SLFN12L: variants seen among roughly 807,000 people sequenced by gnomAD.
The protein encoded by SLFN12L is schlafen family member 12 like.
A neutral mutation model predicts 34.8 loss-of-function variants in SLFN12L; 34 were observed. The ratio of observed to expected loss-of-function variants is 0.98; its 90% CI spans 0.74 to 1.30. The LOEUF is 1.30. Ranked by LOEUF, SLFN12L falls within the 50% of genes most tolerant of loss-of-function variation. SLFN12L has a pLI of 0.00. For synonymous variants in SLFN12L, 259 were observed against 247.5 expected, an observed-to-expected ratio of 1.05 and a Z score of -0.44; for missense variants, 703 against 696.2, an observed-to-expected ratio of 1.01 and a Z score of -0.11.
chr17:35,498,557 T>C (rs1915180896), intron 2 of SLFN12L: 1 of 1,446,894 alleles, frequency 6.9e-7, no homozygotes, highest in Admixed American at 1.7e-5. Flanking sequence ...GTCCAAAAAG[T>C]ACAGTGGAAA....
intron 1 of SLFN12L, among the ~76,000 whole-genome samples, chr17:35,523,472 T>C (rs894765064): frequency 1.3e-5 from 2 of 152,214 alleles, no homozygotes; most frequent in African/African-American, 4.8e-5. Flanking sequence ...CAGTTAATTT[T>C]CTTCAGTCCT....
intron 2 of SLFN12L, chr17:35,500,529 A>T (rs978775247): frequency 6.6e-6 from 1 of 152,374 alleles, no homozygotes; most frequent in African/African-American, 2.4e-5. Context: ...GGAGATCTAG[A>T]CCATCCTGGT....
chr17:35,513,366 C>T (rs922659446), intron 2 of SLFN12L, among the ~76,000 whole-genome samples: 1 of 147,868 alleles, frequency 6.8e-6, no homozygotes, highest in Admixed American at 6.6e-5. Context: ...TTCCACTATA[C>T]CATAAAAAAA....
Position 35,468,184 on chromosome 17 carries a change from T to C in SLFN12L, c.*6739A>G, listed in dbSNP as rs918963758. Reference sequence around the variant, plus strand: ...CTTTGGCCTCTCAAAGTGCTGGGATTACAGGCATGAGCTGCCATGCTCAGC... The same window carrying C: ...CTTTGGCCTCTCAAAGTGCTGGGATCACAGGCATGAGCTGCCATGCTCAGC... On this transcript the variant is annotated 3_prime_UTR_variant, in exon 5 of 5. Transcript: ENST00000628453. 1.3e-5 allele frequency among the ~76,000 whole-genome samples: 2 copies of C among 152,202 alleles called. No homozygotes were observed. The highest frequency in any genetic ancestry group is 2.4e-5 in the African/African-American group (1 of 41,460).
chr17:35,476,870 C>T (rs980961961), intron 4 of SLFN12L, among the ~76,000 whole-genome samples: 8 of 149,694 alleles, frequency 5.3e-5, no homozygotes, highest in African/African-American at 1.7e-4. Context: ...TAATACTATA[C>T]AAAATTAAGA....
At chr17:35,513,021 T>C (rs901153895) in intron 2 of SLFN12L, among the ~76,000 whole-genome samples, 1 of 152,108 alleles carries the variant, frequency 6.6e-6, no homozygotes, top group Non-Finnish European at 1.5e-5. Flanking sequence ...TCTATCTATA[T>C]CTGGGCTAGT....
intron 2 of SLFN12L, among the ~76,000 whole-genome samples, chr17:35,484,539 G>T (rs533092497): frequency 6.6e-6 from 1 of 152,252 alleles, no homozygotes; most frequent in East Asian, 1.9e-4. Flanking sequence ...TCCTGGCAGG[G>T]TGCCCCAGAC....
chr17:35,522,408 T>C lies in SLFN12L; in HGVS notation c.-44A>G, dbSNP rs765624397. On this transcript the variant is annotated 5_prime_UTR_variant, in exon 2 of 5. An upstream start codon of the reference 5' UTR is lost. Coordinates refer to ENST00000628453, the MANE Select transcript of SLFN12L (RefSeq NM_001363830.2). ...GGTCTTTCCTAAGCCAGGTAAGCCA[T>C]GGACAAACAATTCTCTGTTCTTGTG... is the stretch of plus-strand genomic sequence containing the variant. The C allele has an allele frequency of 2.5e-6, 4 of 1,614,064 alleles. No homozygotes were observed. The Admixed American group carries it at 5.0e-5, about 20-fold the overall frequency.
chr17:35,492,522 G>A (rs890909812), intron 2 of SLFN12L, among the ~76,000 whole-genome samples: 2 of 152,288 alleles, frequency 1.3e-5, no homozygotes, highest in Admixed American at 6.5e-5. Context: ...TGGCAGGAAC[G>A]GGGAGCTCCC....
At position 35,522,484 on chromosome 17, in the gene SLFN12L, C is replaced by T. The variant is rs1027717386; in HGVS notation, c.-120G>A. ...TGCTGGGCTGTGAGCAGATTTAAAA[C>T]CTCATAGCTGCACAGGTCACTCAAG... On this transcript the variant is annotated 5_prime_UTR_variant, in exon 2 of 5. Coordinates refer to ENST00000628453, the MANE Select transcript of SLFN12L (RefSeq NM_001363830.2). 3.1e-6 allele frequency: 5 copies of T among 1,613,350 alleles called. No homozygotes were observed. Among genetic ancestry groups the T allele is most frequent in the Non-Finnish European group, 4.2e-6 (5 of 1,179,688 alleles).
rs984194635 is a variant in SLFN12L at position 35,464,302 on chromosome 17, T to A, written c.*10621A>T. On this transcript the variant is annotated 3_prime_UTR_variant, in exon 5 of 5. Coordinates refer to ENST00000628453, the MANE Select transcript of SLFN12L (RefSeq NM_001363830.2). The stretch of plus-strand genomic sequence containing the variant: ...TTTATTTTAGGTTTGGGGGCGCATG[T>A]GAAGGCTCATTACACAGGTAAACAT... The A allele has an allele frequency of 2.0e-5, 3 of 152,222 alleles. No homozygotes were observed. Among genetic ancestry groups the A allele is most frequent in the African/African-American group, 7.2e-5 (3 of 41,452 alleles). The allele number at this position is 152,222 out of a possible 1,614,324, so 9.4% of individuals were successfully genotyped here. A position where few individuals can be genotyped will look rare whatever the true frequency, so the allele number is the denominator to read the frequency against.
rs1913727803 is a variant in SLFN12L at position 35,467,054 on chromosome 17, CAT to C, written c.*7867_*7868del. The stretch of plus-strand genomic sequence containing the variant: ...GGCTACCAAGTCCTGGGCTCTCTAG[CAT>C]ATTCACACGCAGAAGGGAGTGACGT... On this transcript the variant is annotated 3_prime_UTR_variant, in exon 5 of 5. Coordinates refer to ENST00000628453, the MANE Select transcript of SLFN12L (RefSeq NM_001363830.2). Among the ~76,000 whole-genome samples, 1 of 152,188 alleles carries C rather than the reference CAT, an allele frequency of 6.6e-6. No individual in the cohort carries two copies. Among genetic ancestry groups the C allele is most frequent in the Admixed American group, 6.5e-5 (1 of 15,286 alleles).
intron 2 of SLFN12L, among the ~76,000 whole-genome samples, chr17:35,492,245 C>T (rs1240755030): frequency 6.6e-6 from 1 of 152,196 alleles, no homozygotes; most frequent in Non-Finnish European, 1.5e-5. Flanking sequence ...ACCATGCTTC[C>T]ATTCCCAGAA....
rs540701692 is a variant in SLFN12L at position 35,490,948 on chromosome 17, G to T, written c.87-10753C>A. On this transcript the variant is annotated intron_variant, in intron 2 of 4. Coordinates refer to ENST00000628453, the MANE Select transcript of SLFN12L (RefSeq NM_001363830.2). ...ATGGGAATATCCTTAAACCCACCTC[G>T]TTGGTTTCAACCAACTCAGGACATA... The T allele has an allele frequency of 5.1e-6, 4 of 787,712 alleles. No homozygotes were observed. The South Asian group carries it at 5.4e-5, about 11-fold the overall frequency. 48.8% of individuals were successfully genotyped at this position (787,712 alleles called of 1,614,324 possible). A position where few individuals can be genotyped will look rare whatever the true frequency, so the allele number is the denominator to read the frequency against.
chr17:35,522,815 C>A lies in SLFN12L; in HGVS notation c.-451G>T. 4.2e-6 allele frequency: 6 copies of A among 1,423,938 alleles called. No individual in the cohort carries two copies. The highest frequency in any genetic ancestry group is 1.2e-5 in the South Asian group (1 of 84,364). The allele number at this position is 1,423,938 out of a possible 1,614,324, so 88.2% of individuals were successfully genotyped here. A position where few individuals can be genotyped will look rare whatever the true frequency, so the allele number is the denominator to read the frequency against. The stretch of plus-strand genomic sequence containing the variant: ...CACAGATGACTCCTGGCTTCTCCTG[C>A]AAATTCAGGTCCACAGCCTAGCTTC... On this transcript the variant is annotated 5_prime_UTR_variant, in exon 2 of 5. Transcript: ENST00000628453.
intron 3 of SLFN12L, 112 bp downstream of exon 3, chr17:35,479,005 G>C: frequency 1.3e-6 from 1 of 759,640 alleles, no homozygotes. Flanking sequence ...GTATCCACCA[G>C]AGATGTTGAA....
chr17:35,498,209 T>C (rs1184556422), intron 2 of SLFN12L: 2 of 296,086 alleles, frequency 6.8e-6, no homozygotes, highest in Non-Finnish European at 1.4e-5. Context: ...GCCTGGGATG[T>C]TCAGTCATGA....
intron 2 of SLFN12L, among the ~76,000 whole-genome samples, chr17:35,493,975 C>T (rs920880561): frequency 6.6e-6 from 1 of 151,864 alleles, no homozygotes; most frequent in Admixed American, 6.6e-5. Context: ...AAAGCTTAAG[C>T]TTTCGGGAAA....
chr17:35,504,726 C>G (rs1314560086), intron 2 of SLFN12L, among the ~76,000 whole-genome samples: 1 of 152,220 alleles, frequency 6.6e-6, no homozygotes, highest in East Asian at 1.9e-4. Context: ...CATCTCCCAA[C>G]ACTAAGTTCA....
Sources: gnomAD v4.1 joint callset for allele counts (sites outside exome capture counted in the v4.1 genomes callset) on GRCh38, gnomAD v4.1.1 for gene constraint, MANE v1.5 for transcripts, NCBI Gene and HGNC (gene_info 2026-07-23, HGNC 2026-07-21) for gene names.